The following CPAMD8 variants were observed in gnomAD, a reference collection of about 807,000 sequenced individuals.
CPAMD8 encodes the protein C3 and PZP-like alpha-2-macroglobulin domain-containing protein 8.
Under a neutral mutation model 224.7 loss-of-function variants are expected in CPAMD8, and 146 were observed. The ratio of observed to expected loss-of-function variants is 0.65; its 90% confidence interval spans 0.57 to 0.75. The LOEUF (loss-of-function observed/expected upper bound fraction) is 0.75, where lower values mean the gene tolerates loss of function less well. Ranked by LOEUF, CPAMD8 falls within the 30% of genes least tolerant of loss-of-function variation. The pLI is 0.00. For synonymous variants in CPAMD8, 966 were observed against 1,044.6 expected, an observed-to-expected ratio of 0.92 and a Z score of 1.45; for missense variants, 2,301 against 2,537.5, an observed-to-expected ratio of 0.91 and a Z score of 2.00.
At chr19:17,006,338 A>G (rs1271163211) in intron 7 of CPAMD8, among the ~76,000 whole-genome samples, 1 of 152,058 alleles carries the variant, frequency 6.6e-6, no homozygotes, top group Non-Finnish European at 1.5e-5. Context: ...CCTAGGCAAC[A>G]TCTTGAGACC....
In CPAMD8 at chr19:16,938,435, G is replaced by A. The variant is rs61133226; in HGVS notation, c.2805C>T (p.Val935=). The A allele has an allele frequency of 0.01, 16,186 of 1,576,186 alleles. 1,072 individuals are homozygous for A. The African/African-American group carries it at 0.16, about 16-fold the overall frequency. The change falls in exon 23 of 42, where the codon GTC becomes GTT. Residue 935 remains valine (V), a synonymous_variant. Coordinates refer to ENST00000443236, the MANE Select transcript of CPAMD8 (RefSeq NM_015692.5). ...ATGCGCTGTAGGTGTACGCCCGGGG[G>A]ACTCCTTCCGCCTGAAACAAAGAAA... is the stretch of plus-strand genomic sequence containing the variant. ...RRSVMVEAEG[V]PRAYTYSAFF...
intron 3 of CPAMD8, among the ~76,000 whole-genome samples, chr19:17,019,566 T>C (rs1426773218): frequency 1.9e-5 from 2 of 106,074 alleles, no homozygotes; most frequent in African/African-American, 6.5e-5. Flanking sequence ...TATTCTCTCA[T>C]TTTTTTTTAA....
In CPAMD8 at chr19:16,952,163, G is replaced by A; in HGVS notation, c.2314C>T (p.Pro772Ser). 1 of 1,549,730 alleles carries A rather than the reference G, an allele frequency of 6.5e-7. No homozygotes were observed. Reference protein sequence around the residue: ...SGEGTLSVKVPDSITSWVGEA... With the variant: ...SGEGTLSVKVSDSITSWVGEA... ...CCCACCCAGCTGGTGATGGAGTCCG[G>A]GACCTTCACACTGAGTGTCCCCTCA... The change falls in exon 20 of 42, where the codon CCG becomes TCG. Residue 772 changes from proline to serine, a missense_variant. Coordinates refer to ENST00000443236, the MANE Select transcript of CPAMD8 (RefSeq NM_015692.5).
intron 27 of CPAMD8, among the ~76,000 whole-genome samples, chr19:16,919,786 C>T (rs866984466): frequency 6.6e-6 from 1 of 152,134 alleles, no homozygotes; most frequent in African/African-American, 2.4e-5. Context: ...AATGAATGTG[C>T]GTTGAGTATA....
chr19:16,994,415 T>C (rs1167634197), intron 11 of CPAMD8, among the ~76,000 whole-genome samples: 5 of 152,226 alleles, frequency 3.3e-5, no homozygotes, highest in Middle Eastern at 6.8e-3. Flanking sequence ...GGAGCACAGA[T>C]TGTAGCCTCT....
intron 18 of CPAMD8, among the ~76,000 whole-genome samples, chr19:16,963,077 A>G (rs1342974644): frequency 6.6e-6 from 1 of 152,236 alleles, no homozygotes; most frequent in Non-Finnish European, 1.5e-5. Context: ...AGTACCAGCC[A>G]CTGCAAAAAT....
At chr19:16,967,116 T>G (rs2054852735) in intron 18 of CPAMD8, among the ~76,000 whole-genome samples, 1 of 152,008 alleles carries the variant, frequency 6.6e-6, no homozygotes, top group Admixed American at 6.6e-5. Context: ...TAGACTGGAT[T>G]AAGAAAATGT....
chr19:16,945,219 G>T (rs569022922), intron 22 of CPAMD8, among the ~76,000 whole-genome samples: 155 of 152,240 alleles, frequency 1.0e-3, no homozygotes, highest in African/African-American at 3.5e-3. Context: ...CTGAGTCATG[G>T]TCCCCATAAA....
At chr19:16,953,298 G>A (rs945576393) in intron 19 of CPAMD8, among the ~76,000 whole-genome samples, 2 of 149,134 alleles carry the variant, frequency 1.3e-5, no homozygotes, top group African/African-American at 5.0e-5. Context: ...ATGACATTGG[G>A]TTTGACAATG....
intron 15 of CPAMD8, 45 bp downstream of exon 15, chr19:16,977,323 C>T (rs757402463): frequency 8.5e-6 from 12 of 1,419,850 alleles, no homozygotes; most frequent in South Asian, 1.2e-5. Flanking sequence ...GGAGAAGCCC[C>T]GATGGCCCCT....
At chr19:17,018,027 C>A (rs1400137563) in intron 3 of CPAMD8, among the ~76,000 whole-genome samples, 1 of 126,062 alleles carries the variant, frequency 7.9e-6, no homozygotes, top group Non-Finnish European at 1.7e-5. Flanking sequence ...AGCAAGACTG[C>A]TTAAAAAAAA....
At chr19:16,913,973 T>C (rs1200625073) in intron 29 of CPAMD8, among the ~76,000 whole-genome samples, 1 of 152,194 alleles carries the variant, frequency 6.6e-6, no homozygotes, top group Non-Finnish European at 1.5e-5. Flanking sequence ...TCAAGTCTCT[T>C]GGGCCATCTA....
At chr19:16,955,184 A>G (rs1331908208) in intron 19 of CPAMD8, among the ~76,000 whole-genome samples, 2 of 152,032 alleles carry the variant, frequency 1.3e-5, no homozygotes, top group Admixed American at 1.3e-4. Flanking sequence ...AGTCCCAGCT[A>G]TTTGGAAGGT....
intron 12 of CPAMD8, among the ~76,000 whole-genome samples, chr19:16,991,754 C>T (rs1438552038): frequency 6.6e-6 from 1 of 151,816 alleles, no homozygotes; most frequent in Non-Finnish European, 1.5e-5. Context: ...ACTCGGGAGG[C>T]TGAGGCAGGA....
chr19:16,895,581 G>A (rs929535784), intron 41 of CPAMD8: 2 of 300,074 alleles, frequency 6.7e-6, no homozygotes, highest in East Asian at 8.4e-5. Context: ...CAGATGGGCT[G>A]TTTGTTGACT....
intron 23 of CPAMD8, among the ~76,000 whole-genome samples, chr19:16,932,128 T>G (rs889304735): frequency 6.6e-5 from 10 of 151,596 alleles, no homozygotes; most frequent in Non-Finnish European, 1.5e-4. Context: ...TTTGGAAAAA[T>G]AATTCAAAAT....
chr19:17,009,867 G>C (rs1025336934), intron 5 of CPAMD8, among the ~76,000 whole-genome samples: 2 of 152,108 alleles, frequency 1.3e-5, no homozygotes, highest in Non-Finnish European at 2.9e-5. Context: ...ACCCATGCTG[G>C]GTGCCTCCTG....
At chr19:16,938,776 G>A (rs8101217) in intron 22 of CPAMD8, among the ~76,000 whole-genome samples, 32,681 of 152,038 alleles carry the variant, frequency 0.21, 3,705 homozygotes, top group Non-Finnish European at 0.24. Flanking sequence ...CTCCCTCTGG[G>A]CAGAGGACAT....
chr19:16,971,560 A>T (rs1176829100), intron 17 of CPAMD8, among the ~76,000 whole-genome samples: 1 of 152,162 alleles, frequency 6.6e-6, no homozygotes, highest in African/African-American at 2.4e-5. Flanking sequence ...GACAGAAAGC[A>T]GATCAACTGG....
Sources: gnomAD v4.1 joint callset for allele counts (sites outside exome capture counted in the v4.1 genomes callset) on GRCh38, gnomAD v4.1.1 for gene constraint, MANE v1.5 for transcripts, NCBI Gene and HGNC (gene_info 2026-07-23, HGNC 2026-07-21) for gene names.